Variants in DRC11 observed in about 807,000 individuals in gnomAD.
DRC11 encodes the protein IQ and AAA domain-containing protein 1.
chr2:236,364,550 T>A, the DRC11 span, among the ~76,000 whole-genome samples: 1 of 152,128 alleles, frequency 6.6e-6, no homozygotes, highest in African/African-American at 2.4e-5. Context: ...ACCTGACGCT[T>A]GATAATGAAG....
chr2:236,365,012 T>G, the DRC11 span, among the ~76,000 whole-genome samples: 1 of 152,164 alleles, frequency 6.6e-6, no homozygotes, highest in East Asian at 1.9e-4. The surrounding 1 kb of genome is among the most constrained non-coding windows in gnomAD (Gnocchi z 7.4). Context: ...GCTGCGGCAA[T>G]CTAATGGGAT....
At chr2:236,319,957 A>T in the DRC11 span, among the ~76,000 whole-genome samples, 2 of 152,124 alleles carry the variant, frequency 1.3e-5, no homozygotes, top group African/African-American at 4.8e-5. The surrounding 1 kb of genome is among the most constrained non-coding windows in gnomAD (Gnocchi z 6.7). Flanking sequence ...CCATTTTCTT[A>T]ATGTGTCCTT....
At chr2:236,315,738 C>T in the DRC11 span, among the ~76,000 whole-genome samples, 1 of 152,138 alleles carries the variant, frequency 6.6e-6, no homozygotes, top group African/African-American at 2.4e-5. The surrounding 1 kb of genome is among the most constrained non-coding windows in gnomAD (Gnocchi z 5.1). Context: ...TTATCCTCAG[C>T]AAACTAACGC....
At chr2:236,416,761 ATATAT>A in the DRC11 span, among the ~76,000 whole-genome samples, 9 of 92,340 alleles carry the variant, frequency 9.7e-5, no homozygotes, top group South Asian at 1.7e-3. Context: ...ATATATATAT[ATATAT>A]ATAAATAATT....
the DRC11 span, among the ~76,000 whole-genome samples, chr2:236,438,670 G>A: frequency 6.6e-6 from 1 of 152,070 alleles, no homozygotes; most frequent in East Asian, 1.9e-4. Context: ...TCCCTTGTAA[G>A]TTAACAAGGA....
chr2:236,466,640 G>A, the DRC11 span, among the ~76,000 whole-genome samples: 2 of 152,142 alleles, frequency 1.3e-5, no homozygotes, highest in African/African-American at 2.4e-5. Flanking sequence ...GATAAAGAAG[G>A]GGAGGTCCCA....
chr2:236,341,397 C>T, the DRC11 span, among the ~76,000 whole-genome samples: 12 of 152,274 alleles, frequency 7.9e-5, no homozygotes, highest in African/African-American at 1.7e-4. Flanking sequence ...CTGGTCCAGG[C>T]GTCTGCAGGG....
the DRC11 span, among the ~76,000 whole-genome samples, chr2:236,318,753 T>C: frequency 6.6e-6 from 1 of 152,096 alleles, no homozygotes; most frequent in Admixed American, 6.5e-5. This position sits in a 1 kb window ranked among gnomAD's most constrained non-coding sequence, Gnocchi z 7.0. Context: ...ATGCTGTACA[T>C]GTGTATGTAT....
chr2:236,372,921 T>G, the DRC11 span, among the ~76,000 whole-genome samples: 1 of 152,208 alleles, frequency 6.6e-6, no homozygotes, highest in Non-Finnish European at 1.5e-5. The surrounding 1 kb of genome is among the most constrained non-coding windows in gnomAD (Gnocchi z 4.5). Flanking sequence ...CAAAATTCTT[T>G]GCATTTTTTC....
At chr2:236,374,446 A>T in the DRC11 span, among the ~76,000 whole-genome samples, 1 of 152,190 alleles carries the variant, frequency 6.6e-6, no homozygotes, top group African/African-American at 2.4e-5. Flanking sequence ...TTGTTCTTGA[A>T]TTGCTATAAA....
chr2:236,486,244 G>A, the DRC11 span, among the ~76,000 whole-genome samples: 14 of 152,286 alleles, frequency 9.2e-5, no homozygotes, highest in Admixed American at 3.9e-4. The surrounding 1 kb of genome is among the most constrained non-coding windows in gnomAD (Gnocchi z 5.7). Flanking sequence ...AGGCCCTTCC[G>A]CAGTTGATCC....
chr2:236,434,454 T>C, the DRC11 span, among the ~76,000 whole-genome samples: 1 of 152,230 alleles, frequency 6.6e-6, no homozygotes, highest in Non-Finnish European at 1.5e-5. This position sits in a 1 kb window ranked among gnomAD's most constrained non-coding sequence, Gnocchi z 5.5. Flanking sequence ...AGCTCTGTTC[T>C]AAGTACCTCA....
At chr2:236,357,184 TTC>T in the DRC11 span, among the ~76,000 whole-genome samples, 8 of 109,802 alleles carry the variant, frequency 7.3e-5, no homozygotes, top group African/African-American at 7.5e-5. Flanking sequence ...ATTATATATA[TTC>T]ATATATATTA....
the DRC11 span, among the ~76,000 whole-genome samples, chr2:236,314,709 G>A: frequency 6.6e-5 from 10 of 152,040 alleles, no homozygotes; most frequent in Non-Finnish European, 1.2e-4. This position sits in a 1 kb window ranked among gnomAD's most constrained non-coding sequence, Gnocchi z 4.5. Flanking sequence ...AATTTATAAC[G>A]GAAAATTATC....
At chr2:236,408,667 T>G in the DRC11 span, 1 of 722,316 alleles carries the variant, frequency 1.4e-6, no homozygotes, top group East Asian at 2.6e-5. The surrounding 1 kb of genome is among the most constrained non-coding windows in gnomAD (Gnocchi z 5.5). Context: ...TTCTGCCATT[T>G]CTTGCAGTAA....
the DRC11 span, among the ~76,000 whole-genome samples, chr2:236,346,979 C>A: frequency 6.6e-6 from 1 of 152,210 alleles, no homozygotes; most frequent in Non-Finnish European, 1.5e-5. Context: ...AGTGAACACA[C>A]TGTGCATGCA....
the DRC11 span, among the ~76,000 whole-genome samples, chr2:236,401,470 T>C: frequency 1.3e-5 from 2 of 152,198 alleles, no homozygotes; most frequent in Non-Finnish European, 2.9e-5. The surrounding 1 kb of genome is among the most constrained non-coding windows in gnomAD (Gnocchi z 4.6). Context: ...GCCTGGCCAC[T>C]TGGCCTGTGT....
At chr2:236,375,995 T>C in the DRC11 span, among the ~76,000 whole-genome samples, 47 of 152,300 alleles carry the variant, frequency 3.1e-4, no homozygotes, top group African/African-American at 1.0e-3. This position sits in a 1 kb window ranked among gnomAD's most constrained non-coding sequence, Gnocchi z 4.2. Flanking sequence ...CTTGGATTGA[T>C]TGTTCATTAA....
chr2:236,462,654 C>G, the DRC11 span, among the ~76,000 whole-genome samples: 2 of 152,034 alleles, frequency 1.3e-5, no homozygotes, highest in Non-Finnish European at 2.9e-5. The surrounding 1 kb of genome is among the most constrained non-coding windows in gnomAD (Gnocchi z 6.4). Context: ...CTGGGTGACA[C>G]AGCGAGACCC....
Sources: gnomAD v4.1 joint callset for allele counts (sites outside exome capture counted in the v4.1 genomes callset) on GRCh38, gnomAD v4.1.1 for gene constraint, Gnocchi (gnomAD v3.1) non-coding constraint, MANE v1.5 for transcripts, NCBI Gene and HGNC (gene_info 2026-07-23, HGNC 2026-07-21) for gene names.